LRGUK: variants seen among roughly 807,000 people sequenced by gnomAD.
LRGUK encodes the protein leucine rich repeats and guanylate kinase domain containing, also known as leucine-rich repeat and guanylate kinase domain-containing protein.
A neutral mutation model predicts 76.0 loss-of-function variants in LRGUK; 65 were observed. The ratio of observed to expected loss-of-function variants is 0.85; its 90% CI spans 0.70 to 1.05. LRGUK has a LOEUF of 1.05. LRGUK is among the 50% of genes least tolerant of loss of function. The pLI is 0.00. For missense variants in LRGUK, 758 were observed against 732.8 expected (o/e 1.03, Z -0.40); for synonymous variants, 268 against 265.6 (o/e 1.01, Z -0.09).
chr7:134,131,082 C>G (rs564061295), intron 1 of LRGUK, among the ~76,000 whole-genome samples: 1 of 152,254 alleles, frequency 6.6e-6, no homozygotes, highest in South Asian at 2.1e-4. Flanking sequence ...TGAATGATTG[C>G]TATGCAGAAA....
Position 134,219,968 on chromosome 7 carries a change from C to T in LRGUK, c.1844-1811C>T, listed in dbSNP as rs147697633. Among the ~76,000 whole-genome samples, 413 of 152,210 alleles carry T rather than the reference C, an allele frequency of 2.7e-3. 1 individual carries two copies. The highest frequency in any genetic ancestry group is 9.3e-3 in the African/African-American group (386 of 41,530). The stretch of plus-strand genomic sequence containing the variant: ...CTTCCTGTTTCTTCATCACACTTGT[C>T]GTTACTTGATATTATTTAACGTGTT... On this transcript the variant is annotated intron_variant, in intron 15 of 19. Coordinates refer to the LRGUK transcript ENST00000285928.
intron 7 of LRGUK, among the ~76,000 whole-genome samples, chr7:134,168,199 A>AAAT (rs927611401): frequency 8.6e-5 from 13 of 151,932 alleles, no homozygotes; most frequent in African/African-American, 3.1e-4. Flanking sequence ...TCTCTTCCAA[A>AAAT]AATAATAATA....
chr7:134,204,784 C>G (rs994649265), intron 15 of LRGUK, among the ~76,000 whole-genome samples: 23 of 152,180 alleles, frequency 1.5e-4, no homozygotes, highest in Admixed American at 1.3e-3. Flanking sequence ...AGCCAGTGTT[C>G]TTCCTGAGTC....
At chr7:134,149,504 GA>G (rs1186665577) in intron 5 of LRGUK, among the ~76,000 whole-genome samples, 1 of 151,958 alleles carries the variant, frequency 6.6e-6, no homozygotes, top group Non-Finnish European at 1.5e-5. Context: ...TCTTGTAAAA[GA>G]AAAAAATCCT....
chr7:134,164,732 T>G (rs1164021576), intron 7 of LRGUK, among the ~76,000 whole-genome samples: 2 of 152,170 alleles, frequency 1.3e-5, no homozygotes, highest in Admixed American at 1.3e-4. Context: ...GTGGTGCTTG[T>G]CGGTTTTGTG....
chr7:134,158,056 G>T lies in LRGUK; in HGVS notation c.692G>T (p.Ser231Ile), dbSNP rs777683840. 34 of 1,612,334 alleles carry T rather than the reference G, an allele frequency of 2.1e-5. 1 individual carries two copies. In the South Asian group the frequency reaches 3.7e-4, roughly 18 times the overall value. Residue 231 changes from serine to isoleucine, a missense_variant, in exon 6 of 16, where the codon AGT becomes ATT. Coordinates refer to ENST00000645682, the Ensembl canonical transcript of LRGUK. ...ATAGGCAATGAGATAGAAGAAATCA[G>T]TGGACTAGAGATGTGCAACAACCTA...
chr7:134,209,594 C>G (rs1801158230), exon 16 of LRGUK: 9 of 398,838 alleles, frequency 2.3e-5, no homozygotes, highest in Admixed American at 4.4e-5. Flanking sequence ...GAGCAGGAGG[C>G]CCACACCCAA....
intron 1 of LRGUK, among the ~76,000 whole-genome samples, chr7:134,127,975 C>T (rs780897780): frequency 4.6e-5 from 7 of 152,046 alleles, no homozygotes; most frequent in African/African-American, 7.3e-5. Context: ...ATGGCTTTAG[C>T]TTTTTCAAAA....
exon 16 of LRGUK, chr7:134,210,090 A>T: frequency 2.5e-6 from 1 of 399,260 alleles, no homozygotes. Context: ...AGGGAAAAAA[A>T]GCTCCCCAAC....
At chr7:134,214,436 T>G (rs1042952386), downstream of LRGUK, among the ~76,000 whole-genome samples, 3 of 152,216 alleles carry the variant, frequency 2.0e-5, no homozygotes, top group Admixed American at 6.5e-5. Flanking sequence ...AACTCACTTA[T>G]GGGCAAGGAT....
intron 1 of LRGUK, 58 bp downstream of exon 1, chr7:134,127,722 A>C (rs1797072648): frequency 6.6e-7 from 1 of 1,518,202 alleles, no homozygotes; most frequent in African/African-American, 1.5e-5. Flanking sequence ...CTGTTACTTC[A>C]GCGGCAGCTC....
At chr7:134,135,131 AG>A (rs905883957) in intron 1 of LRGUK, among the ~76,000 whole-genome samples, 5 of 152,230 alleles carry the variant, frequency 3.3e-5, no homozygotes, top group African/African-American at 1.2e-4. Flanking sequence ...TAATCAAAAA[AG>A]CAGTGAGATT....
chr7:134,202,981 G>A (rs1336891634), intron 15 of LRGUK, among the ~76,000 whole-genome samples: 1 of 152,046 alleles, frequency 6.6e-6, no homozygotes, highest in East Asian at 1.9e-4. Context: ...GAGGTGGGCA[G>A]ATCACGAGGT....
Position 134,241,969 on chromosome 7 carries a change from A to G in LRGUK, c.1984-5587A>G, listed in dbSNP as rs1450033677. 5.9e-5 allele frequency among the ~76,000 whole-genome samples: 9 copies of G among 152,196 alleles called. 1 individual carries two copies. Among genetic ancestry groups the G allele is most frequent in the Admixed American group, 5.9e-4 (9 of 15,274 alleles). On this transcript the variant is annotated intron_variant, in intron 16 of 19. Transcript: ENST00000285928. ...CCTGAATGACTACTGGGTACATAAT[A>G]AAATGAAGGCAGAAATAAAGATGTT...
At chr7:134,268,690 C>G (rs1161214144), downstream of LRGUK, among the ~76,000 whole-genome samples, 1 of 146,844 alleles carries the variant, frequency 6.8e-6, no homozygotes, top group African/African-American at 2.5e-5. Context: ...AAACTACAAA[C>G]CAATATCACT....
intron 1 of LRGUK, among the ~76,000 whole-genome samples, chr7:134,134,222 G>A (rs2116808379): frequency 1.3e-5 from 2 of 152,286 alleles, no homozygotes; most frequent in South Asian, 4.1e-4. Flanking sequence ...TGCTAGGTAG[G>A]TTGAAGGATA....
chr7:134,220,642 G>A (rs1801567605), intron 15 of LRGUK, among the ~76,000 whole-genome samples: 1 of 151,736 alleles, frequency 6.6e-6, no homozygotes, highest in African/African-American at 2.4e-5. Flanking sequence ...ACCCAGGCTG[G>A]AGTGCAGCCT....
At chr7:134,197,156 G>T in intron 13 of LRGUK, 51 bp downstream of exon 13, 1 of 1,075,820 alleles carries the variant, frequency 9.3e-7, no homozygotes, top group Non-Finnish European at 1.4e-6. Flanking sequence ...GTGTGAGTGT[G>T]GTGTGTGTGT....
intron 16 of LRGUK, among the ~76,000 whole-genome samples, chr7:134,227,475 A>G (rs1408193131): frequency 1.3e-5 from 2 of 152,204 alleles, no homozygotes; most frequent in Non-Finnish European, 2.9e-5. Context: ...TACACTGTCT[A>G]ATGCATAATG....
Sources: allele counts gnomAD v4.1 joint callset (sites outside exome capture counted in the v4.1 genomes callset), GRCh38; gene constraint gnomAD v4.1.1; transcripts MANE v1.5; gene names NCBI Gene and HGNC (gene_info 2026-07-23, HGNC 2026-07-21).